CPA6: variants seen among roughly 807,000 people sequenced by gnomAD.
CPA6 encodes carboxypeptidase B.
In CPA6, 58 loss-of-function variants were observed where a neutral mutation model predicts 63.3. The observed-to-expected ratio is 0.92, with a 90% CI of 0.74 to 1.14. The LOEUF (loss-of-function observed/expected upper bound fraction) is 1.14. Among genes scored for constraint, CPA6 ranks in the 50% most tolerant of loss-of-function variants. The pLI is 0.00. For synonymous variants in CPA6, 185 were observed against 179.0 expected, an observed-to-expected ratio of 1.03 and a Z score of -0.27; for missense variants, 565 against 526.6, an observed-to-expected ratio of 1.07 and a Z score of -0.71.
chr8:67,518,075 C>T, intron 2 of CPA6, 28 bp from the exon 3 acceptor site: 1 of 1,520,316 alleles, frequency 6.6e-7, no homozygotes, highest in Non-Finnish European at 8.8e-7. Flanking sequence ...ACCTATAATT[C>T]ATATCCAACG....
Position 67,645,589 on chromosome 8 carries a change from A to G in CPA6, c.117-21338T>C, listed in dbSNP as rs138483904. ...AGTGATTGGGCTGACTAGTATAATA[A>G]TGAAGTTTGTCTTTGCCAATTAAAC... is the stretch of plus-strand genomic sequence containing the variant. On this transcript the variant is annotated intron_variant, in intron 1 of 10. Transcript: ENST00000297770. Among the ~76,000 whole-genome samples, 32 of 152,368 alleles carry G rather than the reference A, an allele frequency of 2.1e-4. No homozygotes were observed. The East Asian group carries it at 5.6e-3, about 27-fold the overall frequency.
chr8:67,713,813 G>A (rs1313372628), intron 1 of CPA6, among the ~76,000 whole-genome samples: 1 of 152,198 alleles, frequency 6.6e-6, no homozygotes, highest in East Asian at 1.9e-4. Flanking sequence ...GCCAGTGGAA[G>A]TGCTGCTTTA....
intron 6 of CPA6, among the ~76,000 whole-genome samples, chr8:67,496,771 G>A (rs761326776): frequency 4.9e-4 from 75 of 151,764 alleles, no homozygotes; most frequent in Admixed American, 2.6e-4. Context: ...ATGTTGGCCA[G>A]GTTGGTCTTG....
At position 67,714,075 on chromosome 8, in the gene CPA6, C is replaced by A. The variant is rs1219281449; in HGVS notation, c.116+31939G>T. 2.0e-5 allele frequency among the ~76,000 whole-genome samples: 3 copies of A among 152,136 alleles called. No homozygotes were observed. The East Asian group carries it at 5.8e-4, about 29-fold the overall frequency. On this transcript the variant is annotated intron_variant, in intron 1 of 10. Transcript: ENST00000297770. ...AAAATTTTTGCCTGGAAACGAGGTT[C>A]TTTAGAAGGTTGCATTTAAATGTTC...
intron 8 of CPA6, among the ~76,000 whole-genome samples, chr8:67,457,409 C>A (rs2128956584): frequency 6.6e-6 from 1 of 152,264 alleles, no homozygotes; most frequent in South Asian, 2.1e-4. Flanking sequence ...AGCCCTTTAA[C>A]TGGATATATG....
chr8:67,460,490 A>G (rs1443860111), intron 8 of CPA6, among the ~76,000 whole-genome samples: 1 of 152,252 alleles, frequency 6.6e-6, no homozygotes. Flanking sequence ...AAGGAAATCA[A>G]TAGTTTTGAA....
Position 67,422,624 on chromosome 8 carries a change from T to C in CPA6, c.1194A>G (p.Glu398=). The C allele has an allele frequency of 6.2e-7, 1 of 1,614,116 alleles. No individual in the cohort carries two copies. Among genetic ancestry groups the C allele is most frequent in the Non-Finnish European group, 8.5e-7 (1 of 1,179,998 alleles). Residue 398 remains glutamate, a synonymous_variant, in exon 11 of 11, where the codon GAA becomes GAG. Coordinates refer to ENST00000297770, the MANE Select transcript of CPA6 (RefSeq NM_020361.5). ...ATCCAAAATATCCAGTGTCACGTAG[T>C]TCGAAAGCAAATGCATAAGGTATTC... ...KNGIPYAFAF[E]LRDTGYFGFL... is the part of the protein sequence containing the mutation.
At position 67,624,421 on chromosome 8, in the gene CPA6, T is replaced by C. The variant is rs1302031958; in HGVS notation, c.117-170A>G. Among the ~76,000 whole-genome samples, 4 of 152,260 alleles carry C rather than the reference T, an allele frequency of 2.6e-5. No homozygotes were observed. In the East Asian group the frequency reaches 7.7e-4, roughly 29 times the overall value. ...ATTTATTCTCTGATTGCATTGTTCT[T>C]TTCTTCTTGTCTTAAAGCTATTTGG... On this transcript the variant is annotated intron_variant, in intron 1 of 10. Transcript: ENST00000297770.
chr8:67,705,680 G>C (rs1817119212), intron 1 of CPA6, among the ~76,000 whole-genome samples: 2 of 152,132 alleles, frequency 1.3e-5, no homozygotes, highest in African/African-American at 4.8e-5. Context: ...TCCTGGGAAA[G>C]CTACCTAAAT....
chr8:67,575,811 C>T (rs1813608912), intron 2 of CPA6, among the ~76,000 whole-genome samples: 1 of 147,990 alleles, frequency 6.8e-6, no homozygotes, highest in African/African-American at 2.5e-5. Context: ...TGAGCTACTC[C>T]AGCCTGGGCA....
At chr8:67,706,193 T>A (rs1325628042) in intron 1 of CPA6, among the ~76,000 whole-genome samples, 1 of 152,222 alleles carries the variant, frequency 6.6e-6, no homozygotes, top group Non-Finnish European at 1.5e-5. Flanking sequence ...CTATGACTTT[T>A]AATTGTACAA....
chr8:67,477,862 G>A (rs1035817917), intron 8 of CPA6, among the ~76,000 whole-genome samples: 6 of 152,182 alleles, frequency 3.9e-5, no homozygotes, highest in African/African-American at 1.4e-4. Context: ...GCCAGACTCA[G>A]CACTTCATCA....
At chr8:67,661,019 T>G (rs1019452949) in intron 1 of CPA6, among the ~76,000 whole-genome samples, 2 of 152,184 alleles carry the variant, frequency 1.3e-5, no homozygotes, top group Non-Finnish European at 2.9e-5. Context: ...AAAGTACTAG[T>G]TCATCCCTTT....
chr8:67,497,754 T>C (rs61220075), intron 6 of CPA6, among the ~76,000 whole-genome samples: 20,663 of 151,526 alleles, frequency 0.14, 3,865 homozygotes, highest in African/African-American at 0.42. Flanking sequence ...TGCAGTGGTG[T>C]GATCTCGGCT....
In CPA6 at chr8:67,564,946, C is replaced by G. The variant is rs77699485; in HGVS notation, c.193-46899G>C. ...TTCATAGGATTATTTGACTCAATGT[C>G]AAAACATGCTTACTGAAAGATGAAC... On this transcript the variant is annotated intron_variant, in intron 2 of 10. Transcript: ENST00000297770. Among the ~76,000 whole-genome samples the G allele has an allele frequency of 1.9e-3, 282 of 152,186 alleles. 2 individuals are homozygous for G. The highest frequency in any genetic ancestry group is 6.1e-3 in the African/African-American group (253 of 41,544).
chr8:67,567,638 T>C (rs1437019951), intron 2 of CPA6, among the ~76,000 whole-genome samples: 1 of 152,202 alleles, frequency 6.6e-6, no homozygotes, highest in East Asian at 1.9e-4. Flanking sequence ...AACATGGGAA[T>C]AAATCTGAAC....
At chr8:67,680,297 T>C (rs1248042928) in intron 1 of CPA6, among the ~76,000 whole-genome samples, 1 of 150,980 alleles carries the variant, frequency 6.6e-6, no homozygotes, top group Non-Finnish European at 1.5e-5. Flanking sequence ...AGCCCAGGAG[T>C]TCAAGAACAG....
chr8:67,430,561 A>T (rs1810005209), intron 9 of CPA6, among the ~76,000 whole-genome samples: 2 of 152,196 alleles, frequency 1.3e-5, no homozygotes, highest in African/African-American at 2.4e-5. Context: ...AACAATTTTC[A>T]TCAAATTTAA....
At chr8:67,494,400 A>G (rs1031492705) in intron 6 of CPA6, among the ~76,000 whole-genome samples, 2 of 152,170 alleles carry the variant, frequency 1.3e-5, no homozygotes, top group African/African-American at 2.4e-5. Flanking sequence ...TATTATACAA[A>G]TAATGACTCT....
Sources: gnomAD v4.1 joint callset for allele counts (sites outside exome capture counted in the v4.1 genomes callset) on GRCh38, gnomAD v4.1.1 for gene constraint, MANE v1.5 for transcripts, NCBI Gene and HGNC (gene_info 2026-07-23, HGNC 2026-07-21) for gene names.